Variants in AGBL1 observed in about 807,000 individuals in gnomAD.
AGBL1 encodes cytosolic carboxypeptidase 4.
Under a neutral mutation model 118.9 loss-of-function variants are expected in AGBL1, and 130 were observed. That is an observed-to-expected ratio of 1.09 (90% CI 0.95 to 1.26). The LOEUF (loss-of-function observed/expected upper bound fraction) is 1.26, where lower values mean the gene tolerates loss of function less well. Ranked by LOEUF, AGBL1 falls within the 50% of genes most tolerant of loss-of-function variation. The pLI is 0.00. For synonymous variants in AGBL1, 555 were observed against 478.9 expected (o/e 1.16, Z -2.08); for missense variants, 1,584 against 1,298.1 (o/e 1.22, Z -3.38).
At chr15:86,871,846 C>T (rs1253286678) in intron 22 of AGBL1, among the ~76,000 whole-genome samples, 1 of 152,168 alleles carries the variant, frequency 6.6e-6, no homozygotes, top group East Asian at 1.9e-4. Context: ...CTTTCTACAT[C>T]ATCCCTCAAA....
intron 21 of AGBL1, among the ~76,000 whole-genome samples, chr15:86,606,890 T>C (rs1175394976): frequency 3.3e-5 from 5 of 152,190 alleles, no homozygotes; most frequent in Non-Finnish European, 7.3e-5. Context: ...GACAAATGTA[T>C]AATTACATGT....
At chr15:86,945,730 G>T (rs2080812186) in intron 23 of AGBL1, among the ~76,000 whole-genome samples, 1 of 152,142 alleles carries the variant, frequency 6.6e-6, no homozygotes, top group South Asian at 2.1e-4. Context: ...TCATTGAATA[G>T]TAGAATGATA....
At chr15:86,902,420 A>C (rs1458898174) in intron 22 of AGBL1, among the ~76,000 whole-genome samples, 1 of 152,156 alleles carries the variant, frequency 6.6e-6, no homozygotes, top group East Asian at 1.9e-4. Context: ...CAATTTTATA[A>C]ATTTTAATTC....
At chr15:86,392,343 A>G (rs1000645071) in intron 17 of AGBL1, among the ~76,000 whole-genome samples, 2 of 152,134 alleles carry the variant, frequency 1.3e-5, no homozygotes, top group Non-Finnish European at 2.9e-5. Flanking sequence ...TGTGTGTTTA[A>G]GTCATTTACA....
At chr15:86,221,818 A>G (rs1236428530) in intron 5 of AGBL1, among the ~76,000 whole-genome samples, 1 of 152,070 alleles carries the variant, frequency 6.6e-6, no homozygotes, top group Non-Finnish European at 1.5e-5. Context: ...ATGTTCATGC[A>G]TTGAAGTGAA....
At chr15:86,689,703 A>G (rs1483225501) in intron 22 of AGBL1, among the ~76,000 whole-genome samples, 3 of 152,164 alleles carry the variant, frequency 2.0e-5, no homozygotes, top group Admixed American at 6.6e-5. Flanking sequence ...ATTAAAAAAA[A>G]TTAGCTGTAA....
At chr15:86,853,219 T>A (rs578085743) in intron 22 of AGBL1, among the ~76,000 whole-genome samples, 15 of 152,342 alleles carry the variant, frequency 9.8e-5, no homozygotes, top group Admixed American at 7.8e-4. Context: ...AAATCACTGT[T>A]ATTTGCTAGT....
At chr15:86,816,144 C>A (rs1325937109) in intron 22 of AGBL1, among the ~76,000 whole-genome samples, 2 of 152,126 alleles carry the variant, frequency 1.3e-5, no homozygotes, top group Non-Finnish European at 1.5e-5. Flanking sequence ...AAAGAGAGGA[C>A]ACATTATAAA....
chr15:86,143,620 A>G (rs2141652340), intron 2 of AGBL1, 79 bp from the exon 3 acceptor site: 1 of 1,516,704 alleles, frequency 6.6e-7, no homozygotes, highest in South Asian at 1.2e-5. Flanking sequence ...CTCTGTCTCT[A>G]GTTGGGAGGT....
At chr15:86,833,700 C>T (rs2079136244) in intron 22 of AGBL1, among the ~76,000 whole-genome samples, 1 of 152,148 alleles carries the variant, frequency 6.6e-6, no homozygotes, top group Non-Finnish European at 1.5e-5. Flanking sequence ...TCAAATAGAG[C>T]AGCATCTCAG....
intron 22 of AGBL1, among the ~76,000 whole-genome samples, chr15:86,748,594 G>A (rs573137214): frequency 8.1e-6 from 1 of 123,138 alleles, no homozygotes; most frequent in East Asian, 2.6e-4. Flanking sequence ...CCATGCCTAT[G>A]TCCTGAATGG....
chr15:86,715,947 C>T (rs1482322879), intron 22 of AGBL1, among the ~76,000 whole-genome samples: 2 of 151,590 alleles, frequency 1.3e-5, no homozygotes, highest in East Asian at 3.9e-4. Flanking sequence ...GTAGTCCCAG[C>T]TACTTGGGAG....
chr15:86,906,034 C>G (rs2080276297), intron 22 of AGBL1, among the ~76,000 whole-genome samples: 1 of 152,352 alleles, frequency 6.6e-6, no homozygotes, highest in East Asian at 1.9e-4. Flanking sequence ...AATTAAGACA[C>G]TGGCCTTTGA....
intron 1 of AGBL1, among the ~76,000 whole-genome samples, chr15:86,102,038 C>G (rs966115042): frequency 6.7e-6 from 1 of 150,008 alleles, no homozygotes; most frequent in Non-Finnish European, 1.5e-5. Context: ...CTCTCTCTCT[C>G]TCTTTTTTTT....
chr15:86,410,365 C>T (rs1777845800), intron 18 of AGBL1, among the ~76,000 whole-genome samples: 1 of 152,196 alleles, frequency 6.6e-6, no homozygotes, highest in Admixed American at 6.6e-5. Flanking sequence ...TTGTTTTCAT[C>T]AGTGATGATT....
intron 1 of AGBL1, among the ~76,000 whole-genome samples, chr15:86,121,156 C>A (rs1898073778): frequency 6.6e-6 from 1 of 152,148 alleles, no homozygotes. Flanking sequence ...CCTCAATCTC[C>A]CAAAGTTCTG....
chr15:86,761,282 C>G (rs555206290), intron 22 of AGBL1, among the ~76,000 whole-genome samples: 25 of 152,140 alleles, frequency 1.6e-4, no homozygotes, highest in African/African-American at 4.8e-4. Flanking sequence ...AGAAACCTGA[C>G]ATATACAAAA....
intron 23 of AGBL1, among the ~76,000 whole-genome samples, chr15:86,982,749 G>T (rs78480627): frequency 0.17 from 26,028 of 151,976 alleles, 2,261 homozygotes; most frequent in Non-Finnish European, 0.18. Flanking sequence ...TTACTTTATT[G>T]TAAGAATACA....
At chr15:86,593,966 A>G (rs965204694) in intron 21 of AGBL1, among the ~76,000 whole-genome samples, 1 of 151,628 alleles carries the variant, frequency 6.6e-6, no homozygotes, top group Non-Finnish European at 1.5e-5. Flanking sequence ...TCTGTCACTC[A>G]GGTTGGAGTG....
Sources: allele counts gnomAD v4.1 joint callset (sites outside exome capture counted in the v4.1 genomes callset), GRCh38; gene constraint gnomAD v4.1.1; transcripts MANE v1.5; gene names NCBI Gene and HGNC (gene_info 2026-07-23, HGNC 2026-07-21).